KCNN3: variants seen among roughly 807,000 people sequenced by gnomAD.
KCNN3 encodes the protein potassium calcium-activated channel subfamily N member 3.
KCNN3 carries 16 observed loss-of-function variants against 62.9 expected under a neutral mutation model. The ratio of observed to expected loss-of-function variants is 0.25; its 90% CI spans 0.17 to 0.39. KCNN3 has a LOEUF of 0.39. KCNN3 is among the 10% of genes least tolerant of loss of function. The pLI, the probability that KCNN3 is intolerant of heterozygous loss-of-function variation, is 1.00. For synonymous variants in KCNN3, 370 were observed against 389.2 expected, an observed-to-expected ratio of 0.95 and a Z score of 0.58; for missense variants, 599 against 949.4, an observed-to-expected ratio of 0.63 and a Z score of 4.85.
In KCNN3 at chr1:154,763,629, T is replaced by C. The variant is rs543642512; in HGVS notation, c.1448+8346A>G. ...GGTCATCATTGTTGTAATTTTCTAA[T>C]AGCCTTTAACGGTAGTTTTGAATTC... On this transcript the variant is annotated intron_variant, in intron 3 of 7. Coordinates refer to ENST00000271915, the MANE Select transcript of KCNN3 (RefSeq NM_002249.6). 4.1e-4 allele frequency among the ~76,000 whole-genome samples: 63 copies of C among 152,346 alleles called. No homozygotes were observed. In the South Asian group the frequency reaches 0.011, roughly 26 times the overall value.
chr1:154,769,152 A>G (rs1407155256), intron 3 of KCNN3, among the ~76,000 whole-genome samples: 62 of 152,096 alleles, frequency 4.1e-4, no homozygotes, highest in Admixed American at 3.9e-3. Context: ...TGCTTCACCC[A>G]AATGCCCCTC....
rs1557934781 is a variant in KCNN3, at chr1:154,708,085, CG to C, written c.2086del (p.Arg696GlyfsTer38). On this transcript the variant is annotated frameshift_variant, in exon 8 of 8. Coordinates refer to ENST00000271915, the MANE Select transcript of KCNN3 (RefSeq NM_002249.6). LOFTEE classifies it high-confidence loss of function. ...GGTGCCCACTGCCACGCTGACACCC[CG>C]GGCCTCGATGATGGCAGACAGGAGC... ...QQLLSAIIEARGVSVAVGTTH... is the reference protein window; with the variant it reads ...QQLLSAIIEAXGVSVAVGTTH... 6.2e-7 allele frequency: 1 copy of C among 1,613,864 alleles called. No individual in the cohort carries two copies.
chr1:154,868,099 A>G (rs1025622959), intron 1 of KCNN3: 21 of 985,282 alleles, frequency 2.1e-5, no homozygotes, highest in Non-Finnish European at 2.4e-5. Context: ...ACTCATCTTT[A>G]TTTATCCCAA....
At position 154,826,050 on chromosome 1, in the gene KCNN3, A is replaced by AAAAAAC. The variant is rs554590439; in HGVS notation, c.934-3872_934-3867dup. On this transcript the variant is annotated intron_variant, in intron 1 of 7. Transcript: ENST00000271915. The stretch of plus-strand genomic sequence containing the variant: ...GTGAAGAGCGAGACTCCATCTTAAA[A>AAAAAAC]AAAAACAAAAACAAAAACAAAAACA... Among the ~76,000 whole-genome samples the AAAAAAC allele has an allele frequency of 2.7e-3, 192 of 70,076 alleles. 3 individuals are homozygous for AAAAAAC. Among genetic ancestry groups the AAAAAAC allele is most frequent in the Admixed American group, 7.7e-3 (49 of 6,404 alleles). 46.0% of individuals were successfully genotyped at this position (70,076 alleles called of 152,430 possible).
At chr1:154,777,585 C>A (rs769100185) in intron 2 of KCNN3, among the ~76,000 whole-genome samples, 8 of 152,182 alleles carry the variant, frequency 5.3e-5, no homozygotes, top group African/African-American at 9.7e-5. Flanking sequence ...GACCTCCAAG[C>A]CTTAGAAAGT....
At chr1:154,726,624 G>A (rs903563009) in intron 4 of KCNN3, among the ~76,000 whole-genome samples, 2 of 152,228 alleles carry the variant, frequency 1.3e-5, no homozygotes, top group African/African-American at 4.8e-5. Flanking sequence ...GACTGTGCCT[G>A]CTCTACACTT....
At chr1:154,805,282 T>C (rs1181472705) in intron 2 of KCNN3, among the ~76,000 whole-genome samples, 1 of 152,152 alleles carries the variant, frequency 6.6e-6, no homozygotes, top group African/African-American at 2.4e-5. Flanking sequence ...ATGGGTTAGT[T>C]CAGGGCAATG....
intron 2 of KCNN3, among the ~76,000 whole-genome samples, chr1:154,782,543 T>C (rs1322676376): frequency 6.6e-6 from 1 of 152,210 alleles, no homozygotes; most frequent in East Asian, 1.9e-4. Flanking sequence ...TATGACCTTA[T>C]TTAAACTTAA....
At chr1:154,832,357 C>T (rs1398112263) in intron 1 of KCNN3, among the ~76,000 whole-genome samples, 1 of 152,002 alleles carries the variant, frequency 6.6e-6, no homozygotes, top group African/African-American at 2.4e-5. Flanking sequence ...GGTCCTGACA[C>T]CATACCTTTA....
chr1:154,758,579 G>C (rs1647847420), intron 3 of KCNN3, among the ~76,000 whole-genome samples: 1 of 152,066 alleles, frequency 6.6e-6, no homozygotes. Flanking sequence ...AGGCTTCCAG[G>C]GCCACTACTC....
intron 3 of KCNN3, among the ~76,000 whole-genome samples, chr1:154,740,997 C>T (rs1213394886): frequency 6.6e-6 from 1 of 152,134 alleles, no homozygotes; most frequent in East Asian, 1.9e-4. Flanking sequence ...GTGACTTTAT[C>T]ATCCTTTAAT....
chr1:154,813,532 C>T (rs111712210), intron 2 of KCNN3, among the ~76,000 whole-genome samples: 1,886 of 152,296 alleles, frequency 0.012, 40 homozygotes, highest in African/African-American at 0.041. Flanking sequence ...CCCCTCTGTC[C>T]TCCTGCCAGG....
chr1:154,848,185 G>A (rs1363361905), intron 1 of KCNN3, among the ~76,000 whole-genome samples: 2 of 152,106 alleles, frequency 1.3e-5, no homozygotes, highest in Non-Finnish European at 2.9e-5. Flanking sequence ...CCTGATGCTC[G>A]CTGCTTGTCA....
intron 1 of KCNN3, among the ~76,000 whole-genome samples, chr1:154,836,374 C>T (rs1027939400): frequency 1.3e-5 from 2 of 152,192 alleles, no homozygotes; most frequent in Non-Finnish European, 2.9e-5. Flanking sequence ...TGCCCTGCAC[C>T]GGTTACAGAA....
rs1191918184 is a variant in KCNN3, at chr1:154,699,309, C to T, written c.*8667G>A. Reference sequence around the variant, plus strand: ...CTCACTAAACAAATAAACATAGGACCAGACAAAAGAAATGGAGCTGTGAAT... The same window carrying T: ...CTCACTAAACAAATAAACATAGGACTAGACAAAAGAAATGGAGCTGTGAAT... On this transcript the variant is annotated 3_prime_UTR_variant, in exon 8 of 8. Transcript: ENST00000271915. 3.3e-5 allele frequency: 5 copies of T among 151,242 alleles called. No homozygotes were observed. The highest frequency in any genetic ancestry group is 7.4e-5 in the Non-Finnish European group (5 of 67,896). 9.4% of individuals were successfully genotyped at this position (151,242 alleles called of 1,614,324 possible). A position where few individuals can be genotyped will look rare whatever the true frequency, so the allele number is the denominator to read the frequency against.
intron 2 of KCNN3, among the ~76,000 whole-genome samples, chr1:154,808,410 C>G (rs1485274224): frequency 6.6e-6 from 1 of 152,148 alleles, no homozygotes; most frequent in Admixed American, 6.5e-5. Flanking sequence ...TAGAACTGAC[C>G]CCATGACCAT....
At chr1:154,779,018 G>A (rs749082986) in intron 2 of KCNN3, among the ~76,000 whole-genome samples, 3 of 152,066 alleles carry the variant, frequency 2.0e-5, no homozygotes, top group African/African-American at 4.8e-5. Flanking sequence ...TCGCCATGAG[G>A]CTCACTATAG....
intron 2 of KCNN3, among the ~76,000 whole-genome samples, chr1:154,792,774 G>A (rs1702184): frequency 0.27 from 40,659 of 152,036 alleles, 6,414 homozygotes; most frequent in East Asian, 0.64. Context: ...CCAGAAGCAG[G>A]GGATTGACCT....
intron 2 of KCNN3, among the ~76,000 whole-genome samples, chr1:154,774,863 GCATC>G (rs1648724084): frequency 6.6e-6 from 1 of 152,278 alleles, no homozygotes; most frequent in South Asian, 2.1e-4. Flanking sequence ...GGCCATGCAT[GCATC>G]CTGGGAAGGC....
Sources: allele counts gnomAD v4.1 joint callset (sites outside exome capture counted in the v4.1 genomes callset), GRCh38; gene constraint gnomAD v4.1.1; transcripts MANE v1.5; gene names NCBI Gene and HGNC (gene_info 2026-07-23, HGNC 2026-07-21).